KCNMB2: variants seen among roughly 807,000 people sequenced by gnomAD.
The protein encoded by KCNMB2 is calcium-activated potassium channel subunit beta-2.
KCNMB2 carries 9 observed loss-of-function variants against 24.5 expected under a neutral mutation model. That is an observed-to-expected ratio of 0.37 (90% CI 0.22 to 0.64). The LOEUF is 0.64. KCNMB2 is among the 30% of genes least tolerant of loss of function. KCNMB2 has a pLI of 0.63. For missense variants in KCNMB2, 226 were observed against 284.3 expected, an observed-to-expected ratio of 0.79 and a Z score of 1.47; for synonymous variants, 109 against 104.4, an observed-to-expected ratio of 1.04 and a Z score of -0.27.
chr3:178,838,067 G>A (rs901183476), intron 4 of KCNMB2, among the ~76,000 whole-genome samples: 3 of 152,040 alleles, frequency 2.0e-5, no homozygotes, highest in East Asian at 1.9e-4. Flanking sequence ...AAATTGGCTT[G>A]GTTTAAATTC....
At chr3:178,784,005 G>A (rs1405839384) in intron 1 of KCNMB2, among the ~76,000 whole-genome samples, 1 of 152,104 alleles carries the variant, frequency 6.6e-6, no homozygotes, top group African/African-American at 2.4e-5. Context: ...AGCATGAAGG[G>A]TTGTTGAATT....
chr3:178,561,709 A>T (rs1004503339), intron 1 of KCNMB2, among the ~76,000 whole-genome samples: 5 of 152,240 alleles, frequency 3.3e-5, no homozygotes, highest in African/African-American at 1.2e-4. Flanking sequence ...ACTTTATGCC[A>T]AAACTCAGAA....
intron 4 of KCNMB2, among the ~76,000 whole-genome samples, chr3:178,830,564 C>T (rs1715017410): frequency 6.6e-6 from 1 of 152,152 alleles, no homozygotes; most frequent in Non-Finnish European, 1.5e-5. Flanking sequence ...TGCAAATATA[C>T]ATTCTCACCA....
At chr3:178,838,579 A>C (rs1262965217) in intron 4 of KCNMB2, among the ~76,000 whole-genome samples, 1 of 152,186 alleles carries the variant, frequency 6.6e-6, no homozygotes, top group African/African-American at 2.4e-5. Context: ...GCAAAAAAAA[A>C]AAAAAAGCAA....
At chr3:178,609,567 T>C (rs956954763) in intron 1 of KCNMB2, among the ~76,000 whole-genome samples, 5 of 152,188 alleles carry the variant, frequency 3.3e-5, no homozygotes, top group Non-Finnish European at 7.3e-5. Flanking sequence ...ATAAATGTCC[T>C]GGAAATTTTC....
chr3:178,580,833 G>C (rs1043585810), intron 1 of KCNMB2, among the ~76,000 whole-genome samples: 2 of 152,078 alleles, frequency 1.3e-5, no homozygotes, highest in African/African-American at 4.8e-5. Context: ...CCTCTTCAAG[G>C]ACAACTACAA....
rs58169174 is a variant in KCNMB2 at position 178,584,707 on chromosome 3, CAA to C, written c.-68+48005_-68+48006del. ...AAATAATAAAATGGAATAAAGAAAC[CAA>C]AAAAAAAAGAAAAAGTTTGTATGAA... On this transcript the variant is annotated intron_variant, in intron 1 of 4. Coordinates refer to ENST00000452583, the MANE Select transcript of KCNMB2 (RefSeq NM_181361.3). Among the ~76,000 whole-genome samples, 12 of 146,958 alleles carry C rather than the reference CAA, an allele frequency of 8.2e-5. No homozygotes were observed. The South Asian group carries it at 1.9e-3, about 24-fold the overall frequency.
intron 1 of KCNMB2, among the ~76,000 whole-genome samples, chr3:178,593,405 T>A (rs1482510871): frequency 1.3e-5 from 2 of 152,018 alleles, no homozygotes; most frequent in South Asian, 2.1e-4. Flanking sequence ...CAATTAAACA[T>A]GCCAAAGAGT....
intron 1 of KCNMB2, among the ~76,000 whole-genome samples, chr3:178,648,292 C>G (rs1251296105): frequency 2.0e-5 from 3 of 152,174 alleles, no homozygotes; most frequent in African/African-American, 4.8e-5. Flanking sequence ...AATCCCAACA[C>G]TTTGGGAAAC....
At chr3:178,649,660 G>C (rs1413270378) in intron 1 of KCNMB2, among the ~76,000 whole-genome samples, 1 of 152,072 alleles carries the variant, frequency 6.6e-6, no homozygotes, top group Non-Finnish European at 1.5e-5. Flanking sequence ...TTTGAGTAGA[G>C]GTGTTTATAG....
chr3:178,672,984 C>A (rs1006912267), intron 1 of KCNMB2, among the ~76,000 whole-genome samples: 3 of 151,896 alleles, frequency 2.0e-5, no homozygotes, highest in African/African-American at 7.2e-5. Flanking sequence ...TTACACATTA[C>A]CAAAAACCAT....
At chr3:178,586,744 C>T (rs983243358) in intron 1 of KCNMB2, among the ~76,000 whole-genome samples, 2 of 151,678 alleles carry the variant, frequency 1.3e-5, no homozygotes, top group African/African-American at 2.4e-5. Context: ...AGGGTTTCAC[C>T]GTGTTGGTCA....
At chr3:178,760,474 T>C (rs1420992154) in intron 1 of KCNMB2, among the ~76,000 whole-genome samples, 1 of 140,352 alleles carries the variant, frequency 7.1e-6, no homozygotes, top group East Asian at 2.0e-4. Flanking sequence ...AAGATATATA[T>C]ATATTATATA....
intron 1 of KCNMB2, among the ~76,000 whole-genome samples, chr3:178,759,421 A>ATATATATATC: frequency 7.3e-5 from 1 of 13,772 alleles, no homozygotes; most frequent in African/African-American, 1.2e-3. Flanking sequence ...ATATATATAT[A>ATATATATATC]TCTCTCCAAG....
chr3:178,763,784 G>A (rs954462901), intron 1 of KCNMB2, among the ~76,000 whole-genome samples: 1 of 152,122 alleles, frequency 6.6e-6, no homozygotes, highest in Non-Finnish European at 1.5e-5. Context: ...CTTTTTGGAA[G>A]TAGAAAACCA....
At chr3:178,714,060 G>A (rs1317666321) in intron 1 of KCNMB2, among the ~76,000 whole-genome samples, 1 of 152,074 alleles carries the variant, frequency 6.6e-6, no homozygotes, top group African/African-American at 2.4e-5. Flanking sequence ...CAGAAAAGTA[G>A]CTACTGACCA....
chr3:178,767,845 T>G (rs374052769), intron 1 of KCNMB2, among the ~76,000 whole-genome samples: 1 of 152,180 alleles, frequency 6.6e-6, no homozygotes. Flanking sequence ...TTATGTAGAT[T>G]TGTGGCTCTT....
intron 1 of KCNMB2, among the ~76,000 whole-genome samples, chr3:178,752,574 A>G (rs1723887385): frequency 6.6e-6 from 1 of 152,216 alleles, no homozygotes; most frequent in Non-Finnish European, 1.5e-5. Flanking sequence ...CCAGATGTGC[A>G]TTTCATAAAT....
At chr3:178,672,778 A>C (rs2108585073) in intron 1 of KCNMB2, among the ~76,000 whole-genome samples, 1 of 152,294 alleles carries the variant, frequency 6.6e-6, no homozygotes, top group East Asian at 1.9e-4. Context: ...CTGCAAGATG[A>C]GACTTCCAAA....
Sources: allele counts gnomAD v4.1 joint callset (sites outside exome capture counted in the v4.1 genomes callset), GRCh38; gene constraint gnomAD v4.1.1; transcripts MANE v1.5; gene names NCBI Gene and HGNC (gene_info 2026-07-23, HGNC 2026-07-21).